The following UMODL1 variants were observed in gnomAD, a reference collection of about 807,000 sequenced individuals.
UMODL1 encodes the protein uromodulin-like 1.
In UMODL1, 128 loss-of-function variants were observed where a neutral mutation model predicts 136.3. The ratio of observed to expected loss-of-function variants is 0.94; its 90% CI spans 0.81 to 1.09. The LOEUF is 1.09. Ranked by LOEUF, UMODL1 falls within the 50% of genes least tolerant of loss-of-function variation. UMODL1 has a pLI of 0.00. For missense variants in UMODL1, 1,766 were observed against 1,725.6 expected, an observed-to-expected ratio of 1.02 and a Z score of -0.41; for synonymous variants, 721 against 720.0, an observed-to-expected ratio of 1.00 and a Z score of -0.02.
intron 9 of UMODL1, 115 bp from the exon 10 acceptor site, chr21:42,109,447 C>A: frequency 1.4e-6 from 2 of 1,456,026 alleles, no homozygotes; most frequent in Non-Finnish European, 1.9e-6. Flanking sequence ...AATGCCCCTG[C>A]TCCCGGCCGT....
chr21:42,094,412 A>G (rs2066529057), intron 6 of UMODL1, among the ~76,000 whole-genome samples: 1 of 152,224 alleles, frequency 6.6e-6, no homozygotes, highest in Non-Finnish European at 1.5e-5. Flanking sequence ...TTACCCAGAT[A>G]GAGGCAAAGT....
chr21:42,112,306 T>C (rs1008735301), intron 12 of UMODL1, among the ~76,000 whole-genome samples: 11 of 148,854 alleles, frequency 7.4e-5, no homozygotes, highest in African/African-American at 2.8e-4. Flanking sequence ...CTGTTCTGTA[T>C]CTCCCCAGCT....
intron 9 of UMODL1, among the ~76,000 whole-genome samples, chr21:42,104,752 T>C (rs1330352220): frequency 6.6e-6 from 1 of 152,222 alleles, no homozygotes; most frequent in African/African-American, 2.4e-5. Context: ...GCCCGGCCTC[T>C]GTGGGTCTAT....
intron 9 of UMODL1, among the ~76,000 whole-genome samples, chr21:42,105,066 C>G (rs2066696006): frequency 6.6e-6 from 1 of 152,228 alleles, no homozygotes; most frequent in Non-Finnish European, 1.5e-5. Flanking sequence ...AACCTTCCCC[C>G]ACCAGGAGGT....
At chr21:42,076,615 C>T (rs1014143073) in intron 2 of UMODL1, among the ~76,000 whole-genome samples, 3 of 152,126 alleles carry the variant, frequency 2.0e-5, no homozygotes, top group Non-Finnish European at 2.9e-5. Flanking sequence ...TGGCCCGGGG[C>T]GTTGAGAGAG....
Position 42,122,665 on chromosome 21 carries a change from G to A in UMODL1, c.2828-166G>A, listed in dbSNP as rs1243704945. 1.1e-4 allele frequency among the ~76,000 whole-genome samples: 8 copies of A among 71,194 alleles called. No individual in the cohort carries two copies. The highest frequency in any genetic ancestry group is 4.0e-4 in the African/African-American group (6 of 15,080). The allele number at this position is 71,194 out of a possible 152,430, so 46.7% of individuals were successfully genotyped here. On this transcript the variant is annotated intron_variant, in intron 16 of 22. Transcript: ENST00000408910. This position sits in a 1 kb window ranked among gnomAD's most constrained non-coding sequence, Gnocchi z 4.3. ...TACGTGTGTGTGCATATGTGTGCGTGTGTGTGTGTGTGTGTGCACGTGTGT... is the reference window on the plus strand; with the variant it reads ...TACGTGTGTGTGCATATGTGTGCGTATGTGTGTGTGTGTGTGCACGTGTGT...
chr21:42,136,467 G>A (rs2067206429), intron 21 of UMODL1, among the ~76,000 whole-genome samples: 1 of 152,170 alleles, frequency 6.6e-6, no homozygotes, highest in Non-Finnish European at 1.5e-5. Flanking sequence ...TCTTGGGCCT[G>A]GCTTCCTTCA....
upstream of UMODL1, among the ~76,000 whole-genome samples, chr21:42,066,871 T>G (rs1261772185): frequency 1.3e-5 from 2 of 152,270 alleles, no homozygotes; most frequent in Non-Finnish European, 2.9e-5. Context: ...TTGCTTGTGA[T>G]GCATATCATC....
chr21:42,127,940 C>A, intron 20 of UMODL1, 109 bp downstream of exon 20: 1 of 1,432,584 alleles, frequency 7.0e-7, no homozygotes, highest in Admixed American at 1.8e-5. Flanking sequence ...CGGGGCCAAC[C>A]TCTGGGAGGA....
At chr21:42,066,347 A>G (rs13340017), upstream of UMODL1, among the ~76,000 whole-genome samples, 423 of 152,318 alleles carry the variant, frequency 2.8e-3, 1 homozygote, top group African/African-American at 9.8e-3. Context: ...CGGTGGCGCA[A>G]TCTCGGCTCA....
intron 22 of UMODL1, among the ~76,000 whole-genome samples, chr21:42,138,093 A>G (rs1050019515): frequency 6.6e-6 from 1 of 152,064 alleles, no homozygotes; most frequent in Non-Finnish European, 1.5e-5. Context: ...GCCCACCACA[A>G]ATCCCATCTC....
chr21:42,066,929 C>A (rs867339773), upstream of UMODL1, among the ~76,000 whole-genome samples: 23 of 151,950 alleles, frequency 1.5e-4, no homozygotes, highest in African/African-American at 5.6e-4. Flanking sequence ...TTCTTTTCCA[C>A]CTTTGTGGAG....
chr21:42,086,990 T>C (rs780910935), intron 4 of UMODL1, among the ~76,000 whole-genome samples: 1 of 152,102 alleles, frequency 6.6e-6, no homozygotes, highest in African/African-American at 2.4e-5. Context: ...AGTAAATAAA[T>C]AGAAATAATC....
chr21:42,126,078 T>G (rs1601266750), intron 17 of UMODL1, among the ~76,000 whole-genome samples: 3 of 152,304 alleles, frequency 2.0e-5, no homozygotes, highest in Admixed American at 6.5e-5. Context: ...AAAACTAAGT[T>G]TCCCAGAAAG....
Position 42,099,258 on chromosome 21 carries a change from C to T in UMODL1, c.1186+78C>T, listed in dbSNP as rs576053980. ...CCAGGTCTGTGGCCCTAGCATGTCGCGTTCTTCTTCCTATAACCAGGGCAC... is the reference window on the plus strand; with the variant it reads ...CCAGGTCTGTGGCCCTAGCATGTCGTGTTCTTCTTCCTATAACCAGGGCAC... On this transcript the variant is annotated intron_variant, in intron 7 of 22. Coordinates refer to ENST00000408910, the MANE Select transcript of UMODL1 (RefSeq NM_001004416.3). The surrounding 1 kb of genome is among the most constrained non-coding windows in gnomAD (Gnocchi z 4.1). 1.9e-6 allele frequency: 3 copies of T among 1,546,674 alleles called. No homozygotes were observed. The highest frequency in any genetic ancestry group is 2.3e-5 in the East Asian group (1 of 43,988).
intron 4 of UMODL1, among the ~76,000 whole-genome samples, 163 bp from the exon 5 acceptor site, chr21:42,088,131 A>G (rs564674391): frequency 6.6e-6 from 1 of 152,178 alleles, no homozygotes; most frequent in Non-Finnish European, 1.5e-5. Flanking sequence ...TAGGACTTCT[A>G]TTGGGATAGT....
chr21:42,092,992 G>GA (rs1224251990), intron 6 of UMODL1, among the ~76,000 whole-genome samples: 2 of 152,308 alleles, frequency 1.3e-5, no homozygotes, highest in African/African-American at 4.8e-5. Flanking sequence ...CTCTGGCGGG[G>GA]ACCTGCCTGA....
intron 13 of UMODL1, among the ~76,000 whole-genome samples, chr21:42,114,994 A>G (rs548638158): frequency 1.3e-5 from 2 of 152,358 alleles, no homozygotes; most frequent in Non-Finnish European, 2.9e-5. Context: ...CAGGGGCAGC[A>G]ACAACAATGA....
intron 5 of UMODL1, among the ~76,000 whole-genome samples, chr21:42,089,095 G>C (rs527925651): frequency 6.6e-6 from 1 of 152,116 alleles, no homozygotes; most frequent in African/African-American, 2.4e-5. Context: ...TTGGCTTTGC[G>C]GGCCCACGTG....
Sources: gnomAD v4.1 joint callset for allele counts (sites outside exome capture counted in the v4.1 genomes callset) on GRCh38, gnomAD v4.1.1 for gene constraint, Gnocchi (gnomAD v3.1) non-coding constraint, MANE v1.5 for transcripts, NCBI Gene and HGNC (gene_info 2026-07-23, HGNC 2026-07-21) for gene names.